The following ACYP2 variants were observed in gnomAD, a reference collection of about 807,000 sequenced individuals.
ACYP2 encodes the protein acylphosphatase-2.
Under a neutral mutation model 11.2 loss-of-function variants are expected in ACYP2, and 12 were observed. The observed-to-expected ratio is 1.08, with a 90% confidence interval of 0.69 to 1.74. ACYP2 has a LOEUF of 1.74. ACYP2 is among the 40% of genes most tolerant of loss of function. The pLI is 0.00. For synonymous variants in ACYP2, 43 were observed against 32.2 expected (o/e 1.33, Z -1.13); for missense variants, 134 against 101.9 (o/e 1.31, Z -1.35).
intron 4 of ACYP2, among the ~76,000 whole-genome samples, chr2:54,114,513 G>A (rs531591614): frequency 6.6e-6 from 1 of 152,020 alleles, no homozygotes; most frequent in South Asian, 2.1e-4. Flanking sequence ...GTGAAACCCC[G>A]TCTCCACTAA....
chr2:54,144,813 T>TA (rs1558567480), intron 6 of ACYP2, among the ~76,000 whole-genome samples: 1 of 152,202 alleles, frequency 6.6e-6, no homozygotes, highest in African/African-American at 2.4e-5. Context: ...GGTATATTTT[T>TA]AAAAAACAGC....
chr2:54,276,493 A>G (rs1470672901), intron 6 of ACYP2, among the ~76,000 whole-genome samples: 1 of 152,144 alleles, frequency 6.6e-6, no homozygotes, highest in Non-Finnish European at 1.5e-5. Flanking sequence ...ATTAGTGTTT[A>G]ACTCTGGATG....
chr2:54,105,092 T>C (rs920367032), intron 4 of ACYP2, among the ~76,000 whole-genome samples: 7 of 152,180 alleles, frequency 4.6e-5, no homozygotes, highest in Admixed American at 1.3e-4. Context: ...ATTCAGGAAA[T>C]TTCCCCCCAG....
chr2:54,070,125 T>C (rs1676956113), intron 4 of ACYP2, among the ~76,000 whole-genome samples: 2 of 151,608 alleles, frequency 1.3e-5, no homozygotes, highest in African/African-American at 2.4e-5. Context: ...ACAAAATTAG[T>C]TGGGCATGGT....
At chr2:54,262,997 A>C (rs1288452297) in intron 6 of ACYP2, among the ~76,000 whole-genome samples, 8 of 152,182 alleles carry the variant, frequency 5.3e-5, no homozygotes, top group Non-Finnish European at 8.8e-5. Flanking sequence ...AAGTGGGAGA[A>C]TCACCTGAGG....
chr2:54,029,602 CT>C, intron 2 of ACYP2: 1 of 384,560 alleles, frequency 2.6e-6, no homozygotes, highest in Non-Finnish European at 5.0e-6. Flanking sequence ...GTAACTTTCT[CT>C]TTGGCTTCCT....
chr2:54,276,197 G>C (rs1295835466), intron 6 of ACYP2, among the ~76,000 whole-genome samples: 6 of 64,480 alleles, frequency 9.3e-5, no homozygotes, highest in Admixed American at 1.8e-4. Flanking sequence ...TACAGAAAAA[G>C]TAAAAGTCCT....
chr2:54,171,348 GTT>G (rs1324874281), intron 6 of ACYP2, among the ~76,000 whole-genome samples: 2 of 152,158 alleles, frequency 1.3e-5, no homozygotes, highest in Non-Finnish European at 2.9e-5. Context: ...ATATGGGAAT[GTT>G]ATCGGGGGGC....
At chr2:54,267,456 G>C in intron 6 of ACYP2, 1 of 1,204,614 alleles carries the variant, frequency 8.3e-7, no homozygotes. Flanking sequence ...TGGGAGCTGG[G>C]GGAAGAGTGG....
At chr2:54,210,870 T>A (rs987779217) in intron 6 of ACYP2, among the ~76,000 whole-genome samples, 1 of 152,226 alleles carries the variant, frequency 6.6e-6, no homozygotes, top group Non-Finnish European at 1.5e-5. Context: ...AGGCATCTGA[T>A]GCAATTGCTG....
At chr2:54,181,676 A>T (rs1683735395) in intron 6 of ACYP2, among the ~76,000 whole-genome samples, 1 of 152,198 alleles carries the variant, frequency 6.6e-6, no homozygotes, top group African/African-American at 2.4e-5. Context: ...AATTCATCAA[A>T]TATTTATTAA....
At chr2:54,200,785 C>T (rs1352952425) in intron 6 of ACYP2, among the ~76,000 whole-genome samples, 13 of 152,074 alleles carry the variant, frequency 8.5e-5, no homozygotes, top group Admixed American at 8.5e-4. Flanking sequence ...AGTAGAATTG[C>T]TGGGTTATTT....
chr2:53,996,518 A>G (rs1045818291), intron 2 of ACYP2, among the ~76,000 whole-genome samples: 3 of 152,096 alleles, frequency 2.0e-5, no homozygotes, highest in Non-Finnish European at 4.4e-5. Context: ...AAGAGCAAAG[A>G]TTGCCTGTTA....
intron 6 of ACYP2, among the ~76,000 whole-genome samples, chr2:54,201,679 TTTC>T (rs1684831544): frequency 8.7e-6 from 1 of 115,412 alleles, no homozygotes; most frequent in Non-Finnish European, 1.8e-5. Flanking sequence ...TCTTTCTTTC[TTTC>T]TCTCTCTCTC....
intron 4 of ACYP2, among the ~76,000 whole-genome samples, chr2:54,100,569 A>G (rs1472614148): frequency 6.6e-6 from 1 of 151,874 alleles, no homozygotes; most frequent in African/African-American, 2.4e-5. Flanking sequence ...TCACTTTCCC[A>G]AAGTTCTGGG....
chr2:54,151,500 T>A (rs138043412), intron 6 of ACYP2, among the ~76,000 whole-genome samples: 30 of 152,276 alleles, frequency 2.0e-4, no homozygotes, highest in Admixed American at 5.2e-4. Context: ...TTAAGAAAGG[T>A]TCCATTGGAT....
intron 6 of ACYP2, among the ~76,000 whole-genome samples, chr2:54,280,662 A>C (rs1688808844): frequency 6.6e-6 from 1 of 152,224 alleles, no homozygotes; most frequent in Admixed American, 6.5e-5. Context: ...GTAAGATGGC[A>C]AAACAATATA....
intron 6 of ACYP2, among the ~76,000 whole-genome samples, chr2:54,174,263 G>T (rs1201881933): frequency 1.3e-5 from 2 of 152,112 alleles, no homozygotes; most frequent in Non-Finnish European, 2.9e-5. Context: ...TTGTAAGTTG[G>T]ATTCCTAGGT....
At chr2:54,209,999 G>C (rs892668627) in intron 6 of ACYP2, among the ~76,000 whole-genome samples, 1 of 151,948 alleles carries the variant, frequency 6.6e-6, no homozygotes, top group Admixed American at 6.6e-5. Flanking sequence ...AAATTAGCTG[G>C]GCATGGTGGC....
Sources: allele counts gnomAD v4.1 joint callset (sites outside exome capture counted in the v4.1 genomes callset), GRCh38; gene constraint gnomAD v4.1.1; transcripts MANE v1.5; gene names NCBI Gene and HGNC (gene_info 2026-07-23, HGNC 2026-07-21).